Variants in TANC2 observed in about 807,000 individuals in gnomAD.
TANC2 encodes the protein tetratricopeptide repeat, ankyrin repeat and coiled-coil containing 2, also known as protein TANC2.
TANC2 carries 26 observed loss-of-function variants against 210.5 expected under a neutral mutation model. The ratio of observed to expected loss-of-function variants is 0.12; its 90% CI spans 0.09 to 0.17. The LOEUF is 0.17. TANC2 is among the 10% of genes least tolerant of loss of function. The pLI, the probability that TANC2 is intolerant of heterozygous loss-of-function variation, is 1.00. For missense variants in TANC2, 2,129 were observed against 2,608.9 expected, an observed-to-expected ratio of 0.82 and a Z score of 4.01; for synonymous variants, 931 against 967.1, an observed-to-expected ratio of 0.96 and a Z score of 0.69.
intron 7 of TANC2, among the ~76,000 whole-genome samples, chr17:63,233,367 C>T (rs1358062155): frequency 6.6e-6 from 1 of 152,184 alleles, no homozygotes; most frequent in African/African-American, 2.4e-5. Flanking sequence ...AGGGGGATCT[C>T]CTGATCTGTG....
intron 2 of TANC2, among the ~76,000 whole-genome samples, chr17:63,013,588 C>T (rs1414205187): frequency 6.6e-6 from 1 of 152,008 alleles, no homozygotes; most frequent in Non-Finnish European, 1.5e-5. Flanking sequence ...ATGGCGAAAT[C>T]CAGTCTCTAT....
chr17:63,124,601 T>C lies in TANC2; in HGVS notation c.322+25244T>C, dbSNP rs1400706924. Among the ~76,000 whole-genome samples, 3 of 152,202 alleles carry C rather than the reference T, an allele frequency of 2.0e-5. No individual in the cohort carries two copies. In the East Asian group the frequency reaches 5.8e-4, roughly 29 times the overall value. Reference sequence around the variant, plus strand: ...ATGAGAAACTTACAGTCAAATACACTTCTTAGAGTTCTAATTGCTTTTTGG... The same window carrying C: ...ATGAGAAACTTACAGTCAAATACACCTCTTAGAGTTCTAATTGCTTTTTGG... On this transcript the variant is annotated intron_variant, in intron 4 of 27. Transcript: ENST00000689528.
chr17:63,306,378 A>G (rs1302168604), intron 9 of TANC2, among the ~76,000 whole-genome samples: 1 of 152,222 alleles, frequency 6.6e-6, no homozygotes, highest in African/African-American at 2.4e-5. Context: ...CATCTCCTCT[A>G]CTAATACATA....
At chr17:63,401,603 G>T (rs2147254911) in intron 19 of TANC2, among the ~76,000 whole-genome samples, 1 of 152,286 alleles carries the variant, frequency 6.6e-6, no homozygotes, top group South Asian at 2.1e-4. Flanking sequence ...TCTTCCATTT[G>T]CAGCCTCTTT....
At chr17:63,231,619 G>A (rs1179165170) in intron 7 of TANC2, among the ~76,000 whole-genome samples, 2 of 152,176 alleles carry the variant, frequency 1.3e-5, no homozygotes, top group African/African-American at 4.8e-5. Context: ...GATTTCTGCT[G>A]AGAAGTCCAC....
intron 9 of TANC2, among the ~76,000 whole-genome samples, chr17:63,284,610 A>G (rs1189275323): frequency 2.0e-5 from 3 of 152,030 alleles, no homozygotes; most frequent in Admixed American, 2.0e-4. Context: ...ATCAAAGAAC[A>G]TGCTTTGTAT....
chr17:63,239,591 A>T (rs1355549815), intron 8 of TANC2, among the ~76,000 whole-genome samples: 1 of 152,172 alleles, frequency 6.6e-6, no homozygotes, highest in Non-Finnish European at 1.5e-5. Flanking sequence ...GAAGATTTTA[A>T]TATTAATTGT....
intron 4 of TANC2, among the ~76,000 whole-genome samples, chr17:63,147,516 A>G (rs935419687): frequency 6.6e-6 from 1 of 152,178 alleles, no homozygotes; most frequent in African/African-American, 2.4e-5. Flanking sequence ...AGTGTTCACA[A>G]ACTTCAGTGT....
At chr17:63,108,807 C>CA (rs1287196073) in intron 4 of TANC2, among the ~76,000 whole-genome samples, 3 of 148,692 alleles carry the variant, frequency 2.0e-5, no homozygotes, top group East Asian at 1.9e-4. Flanking sequence ...GACTCCATCT[C>CA]AAAAAAAATA....
intron 1 of TANC2, among the ~76,000 whole-genome samples, chr17:62,993,314 T>G (rs2143608135): frequency 6.6e-6 from 1 of 152,314 alleles, no homozygotes. Flanking sequence ...CTGGGTCCCT[T>G]GCCGTTTCCA....
intron 5 of TANC2, among the ~76,000 whole-genome samples, chr17:63,172,653 T>A (rs1477294828): frequency 5.3e-5 from 8 of 152,182 alleles, no homozygotes; most frequent in Non-Finnish European, 1.2e-4. Context: ...ATGTAGTCAC[T>A]GAAACATAGT....
intron 4 of TANC2, among the ~76,000 whole-genome samples, chr17:63,122,379 G>T (rs1473778142): frequency 6.6e-6 from 1 of 152,170 alleles, no homozygotes; most frequent in Non-Finnish European, 1.5e-5. Context: ...TCATTTAGAA[G>T]GAAAGAAGAG....
chr17:62,976,058 T>C (rs1210560910), intron 1 of TANC2, among the ~76,000 whole-genome samples: 1 of 152,168 alleles, frequency 6.6e-6, no homozygotes, highest in Non-Finnish European at 1.5e-5. Flanking sequence ...TAAATTTTCT[T>C]TTGTGAAGTA....
chr17:62,971,963 C>T (rs72843143), intron 1 of TANC2, among the ~76,000 whole-genome samples: 33,396 of 152,064 alleles, frequency 0.22, 3,802 homozygotes, highest in Middle Eastern at 0.27. Flanking sequence ...GGTTGGGGAC[C>T]GCTGTTTCAG....
intron 7 of TANC2, among the ~76,000 whole-genome samples, chr17:63,236,564 T>A (rs984825847): frequency 6.6e-6 from 1 of 152,126 alleles, no homozygotes; most frequent in African/African-American, 2.4e-5. Flanking sequence ...AATTGCGTAG[T>A]GGTGAAGTCT....
Position 63,421,564 on chromosome 17 carries a change from T to A in TANC2, c.5834T>A (p.Leu1945His), listed in dbSNP as rs907823428. Residue 1945 changes from leucine to histidine, a missense_variant, in exon 28 of 28, where the codon CTC becomes CAC. Coordinates refer to ENST00000689528, the Ensembl canonical transcript of TANC2. The surrounding 1 kb of genome is among the most constrained non-coding windows in gnomAD (Gnocchi z 6.9). ...GCACGGACTCAGCAGTACCCCCACC[T>A]CCACCAGCAGAATCGGACCTGGGCA... 1 of 1,613,936 alleles carries A rather than the reference T, an allele frequency of 6.2e-7. No homozygotes were observed. The highest frequency in any genetic ancestry group is 8.5e-7 in the Non-Finnish European group (1 of 1,179,862).
At chr17:63,351,339 G>C (rs201947596) in exon 13 of TANC2, 201 of 1,610,994 alleles carry the variant, frequency 1.2e-4, no homozygotes, top group Non-Finnish European at 1.7e-4. Flanking sequence ...GGATACAATT[G>C]TATCGTTTCT....
At chr17:63,392,822 A>G (rs2048024321) in intron 17 of TANC2, among the ~76,000 whole-genome samples, 1 of 152,210 alleles carries the variant, frequency 6.6e-6, no homozygotes, top group South Asian at 2.1e-4. Flanking sequence ...TATTGTGTCA[A>G]TTTAAAATAA....
chr17:63,306,792 A>G (rs2044924157), intron 9 of TANC2, among the ~76,000 whole-genome samples: 1 of 152,120 alleles, frequency 6.6e-6, no homozygotes, highest in South Asian at 2.1e-4. Context: ...TTTCTACACA[A>G]AGTTTTTTAA....
Sources: allele counts gnomAD v4.1 joint callset (sites outside exome capture counted in the v4.1 genomes callset), GRCh38; gene constraint gnomAD v4.1.1; non-coding constraint Gnocchi (gnomAD v3.1); transcripts MANE v1.5; gene names NCBI Gene and HGNC (gene_info 2026-07-23, HGNC 2026-07-21).